STK33: variants seen among roughly 807,000 people sequenced by gnomAD.
STK33 encodes serine/threonine kinase 33, also known as serine/threonine-protein kinase 33.
Under a neutral mutation model 58.0 loss-of-function variants are expected in STK33, and 52 were observed. That is an observed-to-expected ratio of 0.90 (90% CI 0.72 to 1.13). STK33 has a LOEUF of 1.13. Ranked by LOEUF, STK33 falls within the 50% of genes most tolerant of loss-of-function variation. The pLI, the probability that STK33 is intolerant of heterozygous loss-of-function variation, is 0.00. For missense variants in STK33, 630 were observed against 604.2 expected (o/e 1.04, Z -0.45); for synonymous variants, 215 against 200.1 (o/e 1.07, Z -0.63).
At chr11:8,422,671 A>G (rs529321215) in intron 14 of STK33, among the ~76,000 whole-genome samples, 216 of 152,158 alleles carry the variant, frequency 1.4e-3, no homozygotes, top group Non-Finnish European at 2.8e-3. Context: ...GTATAACTAT[A>G]TTTTTCTAGG....
intron 1 of STK33, among the ~76,000 whole-genome samples, chr11:8,559,940 C>A (rs1333758695): frequency 6.6e-6 from 1 of 151,986 alleles, no homozygotes; most frequent in Non-Finnish European, 1.5e-5. Context: ...ATAGCCTAAC[C>A]ATTTTTTCAT....
rs1472823893 is a variant in STK33, at chr11:8,594,152, T to A, written c.-535A>T. 3 of 152,260 alleles carry A rather than the reference T, an allele frequency of 2.0e-5. No individual in the cohort carries two copies. The highest frequency in any genetic ancestry group is 2.4e-5 in the African/African-American group (1 of 41,438). 9.4% of individuals were successfully genotyped at this position (152,260 alleles called of 1,614,324 possible). A position where few individuals can be genotyped will look rare whatever the true frequency, so the allele number is the denominator to read the frequency against. On this transcript the variant is annotated 5_prime_UTR_variant, in exon 1 of 16. Coordinates refer to ENST00000687296, the MANE Select transcript of STK33 (RefSeq NM_001352389.2). Reference sequence around the variant, plus strand: ...GCGCAGGCTGTCGCTGAGCCCGGAATTCTGCACCGGGAGAAACTTTTCAGC... The same window carrying A: ...GCGCAGGCTGTCGCTGAGCCCGGAAATCTGCACCGGGAGAAACTTTTCAGC...
intron 11 of STK33, among the ~76,000 whole-genome samples, chr11:8,440,968 G>A (rs1198624426): frequency 6.6e-6 from 1 of 152,070 alleles, no homozygotes; most frequent in Non-Finnish European, 1.5e-5. Context: ...ATGGAACAAT[G>A]GTGTAAACTG....
chr11:8,403,197 A>G (rs577503312), intron 15 of STK33, among the ~76,000 whole-genome samples: 12 of 152,342 alleles, frequency 7.9e-5, no homozygotes, highest in Non-Finnish European at 1.3e-4. Context: ...CTTTGAAGAT[A>G]CTAGTCTATG....
chr11:8,563,709 T>C (rs1271230804), intron 1 of STK33, among the ~76,000 whole-genome samples: 1 of 152,170 alleles, frequency 6.6e-6, no homozygotes, highest in Non-Finnish European at 1.5e-5. Flanking sequence ...GAGTGAGAAC[T>C]GAATTTCCTG....
At chr11:8,470,684 G>C (rs1402733632) in intron 6 of STK33, among the ~76,000 whole-genome samples, 1 of 152,016 alleles carries the variant, frequency 6.6e-6, no homozygotes, top group African/African-American at 2.4e-5. Context: ...AACACTGCAG[G>C]GTTATTAATT....
intron 1 of STK33, among the ~76,000 whole-genome samples, chr11:8,519,172 T>C (rs1264139871): frequency 1.3e-5 from 2 of 152,208 alleles, no homozygotes; most frequent in South Asian, 2.1e-4. Context: ...AAACTAGAAC[T>C]CAGGATTAAG....
At chr11:8,438,051 T>C (rs1944295215) in intron 12 of STK33, among the ~76,000 whole-genome samples, 1 of 152,204 alleles carries the variant, frequency 6.6e-6, no homozygotes, top group Admixed American at 6.5e-5. Flanking sequence ...GCCTAGTTCA[T>C]TGAGCCTGTT....
At chr11:8,443,031 G>C (rs1244952917) in intron 11 of STK33, among the ~76,000 whole-genome samples, 5 of 152,194 alleles carry the variant, frequency 3.3e-5, no homozygotes, top group Non-Finnish European at 1.5e-5. Flanking sequence ...TAATGGGGTA[G>C]TGATTACACA....
At chr11:8,355,122 G>A in the STK33 span, among the ~76,000 whole-genome samples, 1 of 152,302 alleles carries the variant, frequency 6.6e-6, no homozygotes, top group Admixed American at 6.5e-5. Context: ...GTGAGGGTGG[G>A]GCTTTTCCCA....
intron 1 of STK33, among the ~76,000 whole-genome samples, chr11:8,525,226 A>G (rs1347957225): frequency 2.6e-5 from 4 of 152,192 alleles, no homozygotes; most frequent in Admixed American, 6.5e-5. Context: ...CAAAACTCCA[A>G]TAGGTGTGTA....
intron 14 of STK33, among the ~76,000 whole-genome samples, chr11:8,421,705 T>A (rs1941947785): frequency 6.6e-6 from 1 of 152,198 alleles, no homozygotes; most frequent in South Asian, 2.1e-4. Context: ...GACACATGAT[T>A]GTGATATATC....
downstream of STK33, among the ~76,000 whole-genome samples, chr11:8,390,424 T>A (rs74055426): frequency 4.1e-3 from 622 of 152,256 alleles, 6 homozygotes; most frequent in African/African-American, 0.014. Context: ...AAGAGCGCCC[T>A]TTTTTCACAG....
chr11:8,558,944 T>A (rs1956946912), intron 1 of STK33, among the ~76,000 whole-genome samples: 1 of 152,226 alleles, frequency 6.6e-6, no homozygotes, highest in Admixed American at 6.5e-5. Context: ...TCATTTCCCA[T>A]TCCTCAAAAT....
the STK33 span, among the ~76,000 whole-genome samples, chr11:8,374,502 C>A: frequency 1.3e-5 from 2 of 152,164 alleles, no homozygotes; most frequent in Non-Finnish European, 2.9e-5. Context: ...AGATGGCCAC[C>A]TTCTCACTGG....
intron 1 of STK33, among the ~76,000 whole-genome samples, chr11:8,546,105 A>G (rs1160551655): frequency 1.3e-5 from 2 of 152,244 alleles, no homozygotes; most frequent in Admixed American, 6.5e-5. Flanking sequence ...ATACACCTGT[A>G]TAGGGCGCTT....
chr11:8,434,790 G>A (rs536429382), intron 14 of STK33, among the ~76,000 whole-genome samples: 36 of 152,218 alleles, frequency 2.4e-4, no homozygotes, highest in Admixed American at 3.3e-4. Context: ...CACCCACTTC[G>A]ACTTGCATCT....
chr11:8,579,290 A>G (rs990870075), intron 1 of STK33, among the ~76,000 whole-genome samples: 3 of 152,038 alleles, frequency 2.0e-5, no homozygotes, highest in Non-Finnish European at 4.4e-5. Flanking sequence ...GCCACTATAT[A>G]TAGGCATATC....
rs1216040821 is a variant in STK33, at chr11:8,480,711, G to C, written c.-465-97C>G. On this transcript the variant is annotated intron_variant, in intron 1 of 15. Coordinates refer to ENST00000687296, the MANE Select transcript of STK33 (RefSeq NM_001352389.2). Reference sequence around the variant, plus strand: ...TCATGAAATCAGAGAATAGGTCTAAGAGCGAGCAAGGGGGCCCACATGTAG... The same window carrying C: ...TCATGAAATCAGAGAATAGGTCTAACAGCGAGCAAGGGGGCCCACATGTAG... The C allele has an allele frequency of 3.9e-5, 6 of 152,198 alleles. No individual in the cohort carries two copies. In the East Asian group the frequency reaches 1.2e-3, roughly 29 times the overall value. The allele number at this position is 152,198 out of a possible 1,614,324, so 9.4% of individuals were successfully genotyped here. A position where few individuals can be genotyped will look rare whatever the true frequency, so the allele number is the denominator to read the frequency against.
Sources: gnomAD v4.1 joint callset for allele counts (sites outside exome capture counted in the v4.1 genomes callset) on GRCh38, gnomAD v4.1.1 for gene constraint, MANE v1.5 for transcripts, NCBI Gene and HGNC (gene_info 2026-07-23, HGNC 2026-07-21) for gene names.